The following SLC6A12 variants were observed in gnomAD, a reference collection of about 807,000 sequenced individuals.
SLC6A12 encodes solute carrier family 6 member 12, also known as sodium- and chloride-dependent betaine transporter.
Under a neutral mutation model 73.3 loss-of-function variants are expected in SLC6A12, and 50 were observed. That is an observed-to-expected ratio of 0.68 (90% CI 0.54 to 0.86). The LOEUF (loss-of-function observed/expected upper bound fraction) is 0.86. Ranked by LOEUF, SLC6A12 falls within the 40% of genes least tolerant of loss-of-function variation. The probability of loss-of-function intolerance (pLI) is 0.00; values close to 1 mark genes in which losing one functional copy is unlikely to be tolerated. For missense variants in SLC6A12, 648 were observed against 772.8 expected, an observed-to-expected ratio of 0.84 and a Z score of 1.92; for synonymous variants, 304 against 309.2, an observed-to-expected ratio of 0.98 and a Z score of 0.18.
chr12:184,610 C>T, the SLC6A12 span, among the ~76,000 whole-genome samples: 1 of 152,018 alleles, frequency 6.6e-6, no homozygotes, highest in Non-Finnish European at 1.5e-5. Flanking sequence ...ATTAGCCGGG[C>T]GTGGTGGCGG....
At chr12:211,647 CA>C (rs1249281740) in intron 2 of SLC6A12, among the ~76,000 whole-genome samples, 1 of 152,050 alleles carries the variant, frequency 6.6e-6, no homozygotes, top group Non-Finnish European at 1.5e-5. Context: ...CATCTGAACC[CA>C]AATGTGGATG....
chr12:197,158 C>T (rs61186352), intron 10 of SLC6A12, among the ~76,000 whole-genome samples: 634 of 43,642 alleles, frequency 0.015, no homozygotes, highest in African/African-American at 0.032. Context: ...TCCATCCATC[C>T]ATCCATCCAT....
At chr12:188,978 G>A (rs1450746414), downstream of SLC6A12, among the ~76,000 whole-genome samples, 4 of 152,206 alleles carry the variant, frequency 2.6e-5, no homozygotes, top group African/African-American at 9.6e-5. Flanking sequence ...TTGCGGGACA[G>A]GCTGTGCGCT....
Position 203,410 on chromosome 12 carries a change from C to A in SLC6A12, c.350-530G>T, listed in dbSNP as rs112886058. Reference sequence around the variant, plus strand: ...AAATCAATGCTGACTATGAACAAAACCTCTCCTTTGGGGCCCGGCGAGCCC... The same window carrying A: ...AAATCAATGCTGACTATGAACAAAAACTCTCCTTTGGGGCCCGGCGAGCCC... On this transcript the variant is annotated intron_variant, in intron 4 of 15. Transcript: ENST00000684302. The A allele has an allele frequency of 3.1e-3, 473 of 152,386 alleles. 2 individuals carry two copies. The highest frequency in any genetic ancestry group is 0.011 in the African/African-American group (453 of 41,566). The allele number at this position is 152,386 out of a possible 1,614,324, so 9.4% of individuals were successfully genotyped here.
downstream of SLC6A12, among the ~76,000 whole-genome samples, chr12:187,616 AAAAAAAAAAAAAAAAC>A (rs1417356252): frequency 3.9e-3 from 59 of 15,274 alleles, 1 homozygote; most frequent in Non-Finnish European, 0.011. Flanking sequence ...AAAAAAAAAA[AAAAAAAAAAAAAAAAC>A]AAACCACACA....
chr12:192,499 C>T lies in SLC6A12; in HGVS notation c.1680G>A (p.Lys560=), dbSNP rs201448258. The T allele has an allele frequency of 2.5e-6, 4 of 1,614,062 alleles. No homozygotes were observed. In the Admixed American group the frequency reaches 6.7e-5, roughly 27 times the overall value. ...CTACCTTCCTGAAAGGACCCCGAGT[C>T]TTCAGGAGGGTGATGACGACGAAGA... ...VPLFVVITLL[K]TRGPFRKRLR... is the part of the protein sequence containing the mutation. Residue 560 remains lysine, a synonymous_variant, in exon 15 of 16, where the codon AAG becomes AAA. Transcript: ENST00000684302.
rs200141833 is a variant in SLC6A12, at chr12:191,036, G to A, written c.*32C>T. ...GAGGGTGGCCCTGACCTAGGTTCCC[G>A]GCTTAGGAGCCGCCTGGCCTCTGGC... On this transcript the variant is annotated 3_prime_UTR_variant, in exon 16 of 16. Coordinates refer to ENST00000684302, the MANE Select transcript of SLC6A12 (RefSeq NM_001122848.3). 486 of 1,293,760 alleles carry A rather than the reference G, an allele frequency of 3.8e-4. 2 individuals carry two copies. The East Asian group carries it at 5.8e-3, about 15-fold the overall frequency. The allele number at this position is 1,293,760 out of a possible 1,614,324, so 80.1% of individuals were successfully genotyped here. A position where few individuals can be genotyped will look rare whatever the true frequency, so the allele number is the denominator to read the frequency against.
intron 12 of SLC6A12, among the ~76,000 whole-genome samples, 169 bp from the exon 13 acceptor site, chr12:195,496 C>G (rs553342019): frequency 6.6e-6 from 1 of 152,292 alleles, no homozygotes; most frequent in East Asian, 1.9e-4. Flanking sequence ...CTTCAGGCCC[C>G]CCAGTCAACA....
Position 190,915 on chromosome 12 carries a change from G to A in SLC6A12, c.*153C>T. On this transcript the variant is annotated 3_prime_UTR_variant, in exon 16 of 16. Transcript: ENST00000684302. ...GAGCTGCTCCAGCTAGCACAAGAGA[G>A]GAGTCTGGCCTCCAGCTGGGGGTGC... The A allele has an allele frequency of 2.0e-6, 1 of 509,100 alleles. No homozygotes were observed. The highest frequency in any genetic ancestry group is 1.1e-4 in the South Asian group (1 of 9,172). 31.5% of individuals were successfully genotyped at this position (509,100 alleles called of 1,614,324 possible). A position where few individuals can be genotyped will look rare whatever the true frequency, so the allele number is the denominator to read the frequency against.
downstream of SLC6A12, among the ~76,000 whole-genome samples, chr12:187,258 C>A (rs141879156): frequency 5.8e-3 from 877 of 152,266 alleles, 9 homozygotes; most frequent in South Asian, 0.023. Context: ...TCACTGACTT[C>A]AAGCATGAAG....
At chr12:208,618 A>G (rs1411837205) in intron 3 of SLC6A12, among the ~76,000 whole-genome samples, 3 of 152,192 alleles carry the variant, frequency 2.0e-5, no homozygotes, top group African/African-American at 7.2e-5. Flanking sequence ...GCATTGAACG[A>G]TTGTATTCCT....
intron 12 of SLC6A12, among the ~76,000 whole-genome samples, chr12:195,668 T>A (rs1939826745): frequency 6.6e-6 from 1 of 152,162 alleles, no homozygotes; most frequent in Non-Finnish European, 1.5e-5. Context: ...AGTCATAGCC[T>A]GGACATTTGC....
chr12:187,602 A>G (rs1453137509), downstream of SLC6A12, among the ~76,000 whole-genome samples: 43 of 11,780 alleles, frequency 3.7e-3, no homozygotes, highest in African/African-American at 4.5e-3. Flanking sequence ...AAAAAAAAAA[A>G]AAAAAAAAAA....
intron 2 of SLC6A12, chr12:210,245 G>T: frequency 1.8e-6 from 2 of 1,127,852 alleles, no homozygotes; most frequent in Non-Finnish European, 2.4e-6. Flanking sequence ...TCCAGGCCTT[G>T]GCAGATGAAG....
At chr12:210,879 G>A (rs1940879433) in intron 2 of SLC6A12, among the ~76,000 whole-genome samples, 1 of 152,160 alleles carries the variant, frequency 6.6e-6, no homozygotes, top group Non-Finnish European at 1.5e-5. Flanking sequence ...CTCCTAGAGA[G>A]CCCAAAGCTC....
intron 9 of SLC6A12, 44 bp downstream of exon 9, chr12:197,856 G>A: frequency 1.5e-6 from 2 of 1,365,718 alleles, no homozygotes; most frequent in Non-Finnish European, 2.1e-6. Flanking sequence ...CCATCCCCAG[G>A]CCCCAACCCT....
chr12:200,564 G>T (rs1940201241), intron 7 of SLC6A12, 87 bp downstream of exon 7: 8 of 1,418,922 alleles, frequency 5.6e-6, no homozygotes, highest in Non-Finnish European at 6.8e-6. Flanking sequence ...TTAATAGAAA[G>T]AAATCAGTTC....
intron 13 of SLC6A12, among the ~76,000 whole-genome samples, chr12:194,460 G>C (rs958805534): frequency 7.9e-5 from 12 of 152,264 alleles, no homozygotes; most frequent in Non-Finnish European, 1.8e-4. Context: ...GTGCAGTGGA[G>C]TCAGAGGGAC....
intron 4 of SLC6A12, 95 bp from the exon 5 acceptor site, chr12:202,975 G>C (rs1272607838): frequency 5.6e-6 from 6 of 1,080,852 alleles, no homozygotes; most frequent in Non-Finnish European, 8.3e-6. Context: ...CAAGGGTATT[G>C]GGTGCTACAC....
Sources: allele counts gnomAD v4.1 joint callset (sites outside exome capture counted in the v4.1 genomes callset), GRCh38; gene constraint gnomAD v4.1.1; transcripts MANE v1.5; gene names NCBI Gene and HGNC (gene_info 2026-07-23, HGNC 2026-07-21).